The following OSBPL10 variants were observed in gnomAD, a reference collection of about 807,000 sequenced individuals.
OSBPL10 encodes the protein oxysterol binding protein like 10.
In OSBPL10, 49 loss-of-function variants were observed where a neutral mutation model predicts 81.7. That is an observed-to-expected ratio of 0.60 (90% CI 0.48 to 0.76). The LOEUF (loss-of-function observed/expected upper bound fraction) is 0.76, where lower values mean the gene tolerates loss of function less well. Among genes scored for constraint, OSBPL10 ranks in the 30% least tolerant of loss-of-function variants. The pLI is 0.00. For missense variants in OSBPL10, 923 were observed against 987.8 expected (o/e 0.93, Z 0.88); for synonymous variants, 419 against 383.6 (o/e 1.09, Z -1.08).
chr3:31,744,537 C>CAAAAAAAAAAAAAAAA (rs58546446), intron 5 of OSBPL10, among the ~76,000 whole-genome samples: 5 of 96,308 alleles, frequency 5.2e-5, no homozygotes, highest in South Asian at 4.0e-4. Flanking sequence ...GACTCCGTCT[C>CAAAAAAAAAAAAAAAA]AAAAAAAAAA....
At chr3:31,835,444 G>A (rs1700339944) in intron 3 of OSBPL10, among the ~76,000 whole-genome samples, 1 of 152,266 alleles carries the variant, frequency 6.6e-6, no homozygotes, top group East Asian at 1.9e-4. Flanking sequence ...ATTAAAAGGA[G>A]GCAAGGGAGG....
At position 31,794,008 on chromosome 3, in the gene OSBPL10, T is replaced by G. The variant is rs570095163; in HGVS notation, c.729+36032A>C. Among the ~76,000 whole-genome samples the G allele has an allele frequency of 1.1e-4, 17 of 152,318 alleles. No individual in the cohort carries two copies. In the East Asian group the frequency reaches 1.4e-3, roughly 12 times the overall value. On this transcript the variant is annotated intron_variant, in intron 4 of 11. Transcript: ENST00000396556. ...GTTGGTGTCGAGTGTCTTTGTGGTT[T>G]GAGAGGCCCCAGGGCGCTGGGTTGG...
chr3:31,761,927 C>T (rs1698059077), intron 4 of OSBPL10, among the ~76,000 whole-genome samples: 1 of 151,394 alleles, frequency 6.6e-6, no homozygotes, highest in Non-Finnish European at 1.5e-5. Flanking sequence ...TGTGATGGTA[C>T]TCAGCAATGA....
intron 1 of OSBPL10, among the ~76,000 whole-genome samples, chr3:31,914,857 C>A (rs184810235): frequency 1.1e-3 from 168 of 152,286 alleles, no homozygotes; most frequent in Middle Eastern, 0.01. Context: ...GGACAACATA[C>A]CTATATATCA....
intron 2 of OSBPL10, among the ~76,000 whole-genome samples, chr3:31,993,099 G>A (rs57434781): frequency 0.34 from 52,087 of 151,732 alleles, 12,466 homozygotes; most frequent in African/African-American, 0.67. Flanking sequence ...TGCAAATCAT[G>A]TGTTTGACCA....
intron 2 of OSBPL10, among the ~76,000 whole-genome samples, chr3:32,024,438 TC>T (rs1282464647): frequency 1.2e-4 from 18 of 152,082 alleles, no homozygotes; most frequent in Admixed American, 8.5e-4. Context: ...GATCATTTTT[TC>T]CTAAGTATTT....
intron 4 of OSBPL10, among the ~76,000 whole-genome samples, chr3:31,817,833 T>A (rs1399415780): frequency 2.6e-5 from 4 of 152,182 alleles, no homozygotes; most frequent in Non-Finnish European, 5.9e-5. Flanking sequence ...CTGCAGCCAC[T>A]GCCATCAATG....
intron 4 of OSBPL10, among the ~76,000 whole-genome samples, chr3:31,787,297 T>C (rs946720721): frequency 6.6e-6 from 1 of 152,144 alleles, no homozygotes; most frequent in African/African-American, 2.4e-5. Context: ...TCATATATAA[T>C]GGATTCGAAA....
At chr3:31,975,437 T>G (rs1698668556) in intron 1 of OSBPL10, among the ~76,000 whole-genome samples, 1 of 152,196 alleles carries the variant, frequency 6.6e-6, no homozygotes, top group South Asian at 2.1e-4. Flanking sequence ...AATTCATATA[T>G]ACCCCAGTGA....
intron 3 of OSBPL10, among the ~76,000 whole-genome samples, chr3:31,836,420 T>C (rs1162832388): frequency 6.6e-6 from 1 of 152,112 alleles, no homozygotes; most frequent in African/African-American, 2.4e-5. Flanking sequence ...TCTGAAAAAT[T>C]GTCACAAGCA....
chr3:31,931,511 C>T (rs995843722), intron 1 of OSBPL10, among the ~76,000 whole-genome samples: 6 of 152,200 alleles, frequency 3.9e-5, no homozygotes, highest in Non-Finnish European at 5.9e-5. Flanking sequence ...TTGGCCTAGA[C>T]CTGATGAAGT....
intron 1 of OSBPL10, among the ~76,000 whole-genome samples, chr3:31,912,351 C>T (rs1021237300): frequency 1.3e-5 from 2 of 150,802 alleles, no homozygotes; most frequent in African/African-American, 4.9e-5. Context: ...CCGAGATTTG[C>T]GCCACTGCAC....
intron 1 of OSBPL10, among the ~76,000 whole-genome samples, chr3:31,954,592 G>A (rs985876466): frequency 2.0e-5 from 3 of 152,180 alleles, no homozygotes; most frequent in Non-Finnish European, 2.9e-5. Flanking sequence ...ATTGGGGGCA[G>A]GGGGAAGGAT....
chr3:31,789,703 C>T (rs1264390492), intron 4 of OSBPL10, among the ~76,000 whole-genome samples: 4 of 152,206 alleles, frequency 2.6e-5, no homozygotes, highest in African/African-American at 9.6e-5. Context: ...GCACCATAGG[C>T]AACGGAGGCC....
upstream of OSBPL10, among the ~76,000 whole-genome samples, chr3:31,982,119 C>T (rs756529059): frequency 2.0e-5 from 3 of 152,126 alleles, no homozygotes; most frequent in Non-Finnish European, 4.4e-5. Flanking sequence ...CCACACTGCA[C>T]GTGCACCTAG....
rs1699458777 is a variant in OSBPL10 at position 32,030,618 on chromosome 3, GAGA to G, written n.298+15870_298+15872del. 5.9e-6 allele frequency: 8 copies of G among 1,354,666 alleles called. No individual in the cohort carries two copies. The South Asian group carries it at 9.3e-5, about 16-fold the overall frequency. 83.9% of individuals were successfully genotyped at this position (1,354,666 alleles called of 1,614,324 possible). On this transcript the variant is annotated intron_variant and non_coding_transcript_variant, in intron 2 of 3. Transcript: ENST00000479173. ...CTCCACCCAGAGAAGCACACTTTGT[GAGA>G]ACCAATGGGAAGTAGCCTGAGCTGC...
At chr3:31,779,231 G>A (rs1165114004) in intron 4 of OSBPL10, among the ~76,000 whole-genome samples, 1 of 152,166 alleles carries the variant, frequency 6.6e-6, no homozygotes, top group Non-Finnish European at 1.5e-5. Flanking sequence ...TTCGAATGCT[G>A]AATGTAAATG....
chr3:31,884,635 CAA>C (rs1314641638), intron 1 of OSBPL10, among the ~76,000 whole-genome samples: 1 of 152,170 alleles, frequency 6.6e-6, no homozygotes, highest in Non-Finnish European at 1.5e-5. Flanking sequence ...AGCTATATCT[CAA>C]AGTCACAGCT....
chr3:31,956,627 C>A (rs377457663), intron 1 of OSBPL10, among the ~76,000 whole-genome samples: 159 of 152,210 alleles, frequency 1.0e-3, no homozygotes, highest in African/African-American at 3.7e-3. Context: ...ACTCAGGAGA[C>A]TGAGGCAGGA....
Sources: gnomAD v4.1 joint callset for allele counts (sites outside exome capture counted in the v4.1 genomes callset) on GRCh38, gnomAD v4.1.1 for gene constraint, MANE v1.5 for transcripts, NCBI Gene and HGNC (gene_info 2026-07-23, HGNC 2026-07-21) for gene names.